RNF125: variants seen among roughly 807,000 people sequenced by gnomAD.
RNF125 encodes E3 ubiquitin-protein ligase RNF125.
A neutral mutation model predicts 26.0 loss-of-function variants in RNF125; 21 were observed. That is an observed-to-expected ratio of 0.81 (90% CI 0.57 to 1.16). The LOEUF (loss-of-function observed/expected upper bound fraction) is 1.16. Ranked by LOEUF, RNF125 falls within the 50% of genes most tolerant of loss-of-function variation. The pLI is 0.00. For missense variants in RNF125, 270 were observed against 299.4 expected (o/e 0.90, Z 0.72); for synonymous variants, 95 against 109.2 (o/e 0.87, Z 0.81).
the RNF125 span, among the ~76,000 whole-genome samples, chr18:32,084,326 G>A: frequency 7.2e-5 from 11 of 152,268 alleles, no homozygotes; most frequent in South Asian, 2.3e-3. Flanking sequence ...CTGCATTCCC[G>A]CCTGTGGGAT....
chr18:32,032,978 C>T (rs1274807492), intron 1 of RNF125, among the ~76,000 whole-genome samples: 1 of 152,164 alleles, frequency 6.6e-6, no homozygotes, highest in Non-Finnish European at 1.5e-5. Context: ...TAACATGAGC[C>T]GACCCTGACT....
rs59263221 is a variant in RNF125 at position 32,036,154 on chromosome 18, CAA to C, written c.165-947_165-946del. Among the ~76,000 whole-genome samples the C allele has an allele frequency of 4.0e-3, 484 of 120,396 alleles. 2 individuals carry two copies. Among genetic ancestry groups the C allele is most frequent in the African/African-American group, 0.012 (373 of 32,420 alleles). The allele number at this position is 120,396 out of a possible 152,430, so 79.0% of individuals were successfully genotyped here. A position where few individuals can be genotyped will look rare whatever the true frequency, so the allele number is the denominator to read the frequency against. On this transcript the variant is annotated intron_variant, in intron 1 of 5. Transcript: ENST00000217740. ...GGGTGACAAGAGCAAGACTCCATCT[CAA>C]AAAAAAAAAAAAAAGAGAAGGAAAC...
At chr18:32,082,772 C>T in the RNF125 span, among the ~76,000 whole-genome samples, 1 of 152,168 alleles carries the variant, frequency 6.6e-6, no homozygotes, top group African/African-American at 2.4e-5. Context: ...TGGAAAAACA[C>T]AATTCGTATA....
chr18:32,031,063 T>C (rs1424385592), intron 1 of RNF125: 1 of 152,090 alleles, frequency 6.6e-6, no homozygotes, highest in Non-Finnish European at 1.5e-5. Flanking sequence ...AAATGCCTCC[T>C]GAAGGTTCCA....
At chr18:32,056,621 CAA>C (rs58384246) in intron 4 of RNF125, among the ~76,000 whole-genome samples, 46,574 of 94,768 alleles carry the variant, frequency 0.49, 8,356 homozygotes, top group South Asian at 0.53. Context: ...AACTCCGTCT[CAA>C]AAAAAAAAAA....
At chr18:32,046,544 C>T (rs910777681) in intron 4 of RNF125, among the ~76,000 whole-genome samples, 1 of 144,006 alleles carries the variant, frequency 6.9e-6, no homozygotes, top group African/African-American at 2.6e-5. Flanking sequence ...TTGCAGTGAG[C>T]TGAGATCGTG....
At chr18:32,085,723 A>AAAAAG in the RNF125 span, among the ~76,000 whole-genome samples, 1 of 146,224 alleles carries the variant, frequency 6.8e-6, no homozygotes, top group African/African-American at 2.7e-5. Context: ...AAAAAAAAAA[A>AAAAAG]AGAGAGAGAG....
intron 4 of RNF125, among the ~76,000 whole-genome samples, chr18:32,065,622 C>T (rs2039477133): frequency 6.6e-6 from 1 of 151,852 alleles, no homozygotes; most frequent in African/African-American, 2.4e-5. Context: ...CAACCTCTGC[C>T]TCCGGGTTCA....
At chr18:32,085,391 G>C in the RNF125 span, among the ~76,000 whole-genome samples, 1 of 142,164 alleles carries the variant, frequency 7.0e-6, no homozygotes, top group African/African-American at 3.1e-5. Flanking sequence ...GAGAGAGAGA[G>C]AGAGAGAGAG....
chr18:32,075,347 C>T (rs1274333711), downstream of RNF125, among the ~76,000 whole-genome samples: 2 of 152,086 alleles, frequency 1.3e-5, no homozygotes, highest in African/African-American at 2.4e-5. Context: ...CATCTGAGGT[C>T]AGGAGTTCGA....
At chr18:32,045,224 C>A (rs994844014) in intron 3 of RNF125, among the ~76,000 whole-genome samples, 1 of 152,044 alleles carries the variant, frequency 6.6e-6, no homozygotes, top group East Asian at 1.9e-4. Context: ...CTGTGCTGTC[C>A]AAGATGTGTC....
chr18:32,046,214 C>CAAAAAAAA (rs768054716), intron 4 of RNF125, among the ~76,000 whole-genome samples: 3 of 76,170 alleles, frequency 3.9e-5, no homozygotes, highest in Admixed American at 1.9e-4. Flanking sequence ...AAGACTGTCT[C>CAAAAAAAA]AAAAAAAAAA....
chr18:32,058,596 T>C (rs2039407996), intron 4 of RNF125, among the ~76,000 whole-genome samples: 1 of 152,212 alleles, frequency 6.6e-6, no homozygotes, highest in Non-Finnish European at 1.5e-5. Context: ...TCCACCCACC[T>C]TGGCCTCCCA....
At chr18:32,028,324 A>AAAAG (rs2039058598) in intron 1 of RNF125, among the ~76,000 whole-genome samples, 1 of 145,644 alleles carries the variant, frequency 6.9e-6, no homozygotes. Flanking sequence ...AAAAAAAAAA[A>AAAAG]ATAATAGGTA....
chr18:32,031,268 T>A (rs1314050830), intron 1 of RNF125: 1 of 151,690 alleles, frequency 6.6e-6, no homozygotes, highest in Non-Finnish European at 1.5e-5. Context: ...TGTTTAAGGA[T>A]CAGAGCACTA....
rs1457135337 is a variant in RNF125 at position 32,070,664 on chromosome 18, C to T, written c.*2280C>T. The T allele has an allele frequency of 6.6e-6, 1 of 151,882 alleles. No individual in the cohort carries two copies. Among genetic ancestry groups the T allele is most frequent in the Admixed American group, 6.6e-5 (1 of 15,246 alleles). The allele number at this position is 151,882 out of a possible 1,614,324, so 9.4% of individuals were successfully genotyped here. A position where few individuals can be genotyped will look rare whatever the true frequency, so the allele number is the denominator to read the frequency against. On this transcript the variant is annotated 3_prime_UTR_variant, in exon 6 of 6. Coordinates refer to ENST00000217740, the MANE Select transcript of RNF125 (RefSeq NM_017831.4). ...ACCACAAATAATATGGCAATTGAAA[C>T]AATTAAAAAGTTTTCATTTGCTTTT...
chr18:32,072,482 C>T lies in RNF125; in HGVS notation c.*4098C>T, dbSNP rs1436227508. ...GCTTTAAGTCATCTGTCACTATTAA[C>T]CTCAGTGCAGCAATTCTGACTCCTG... On this transcript the variant is annotated 3_prime_UTR_variant, in exon 6 of 6. Coordinates refer to ENST00000217740, the MANE Select transcript of RNF125 (RefSeq NM_017831.4). The T allele has an allele frequency of 6.6e-6, 1 of 152,154 alleles. No homozygotes were observed. The highest frequency in any genetic ancestry group is 1.9e-4 in the East Asian group (1 of 5,192). 9.4% of individuals were successfully genotyped at this position (152,154 alleles called of 1,614,324 possible).
intron 4 of RNF125, among the ~76,000 whole-genome samples, chr18:32,050,394 A>G (rs2039312243): frequency 6.6e-6 from 1 of 152,188 alleles, no homozygotes; most frequent in South Asian, 2.1e-4. Flanking sequence ...GTAATAGCTC[A>G]CTGTAACCTT....
At chr18:32,075,418 G>A (rs1389361887), downstream of RNF125, among the ~76,000 whole-genome samples, 1 of 152,060 alleles carries the variant, frequency 6.6e-6, no homozygotes, top group Non-Finnish European at 1.5e-5. Context: ...AATTGGCCAG[G>A]CACAGTGGCT....
Sources: allele counts gnomAD v4.1 joint callset (sites outside exome capture counted in the v4.1 genomes callset), GRCh38; gene constraint gnomAD v4.1.1; transcripts MANE v1.5; gene names NCBI Gene and HGNC (gene_info 2026-07-23, HGNC 2026-07-21).